ENOX2: variants seen among roughly 807,000 people sequenced by gnomAD.
ENOX2 encodes ecto-NOX disulfide-thiol exchanger 2, also known as APK1 antigen.
A neutral mutation model predicts 45.0 loss-of-function variants in ENOX2; 36 were observed. The ratio of observed to expected loss-of-function variants is 0.80; its 90% confidence interval spans 0.61 to 1.06. The LOEUF is 1.06. Ranked by LOEUF, ENOX2 falls within the 50% of genes least tolerant of loss-of-function variation. ENOX2 has a pLI of 0.00. For missense variants in ENOX2, 423 were observed against 462.5 expected, an observed-to-expected ratio of 0.91 and a Z score of 0.78; for synonymous variants, 174 against 152.3, an observed-to-expected ratio of 1.14 and a Z score of -1.05.
chrX:130,657,685 T>C (rs1211465922), intron 9 of ENOX2, among the ~76,000 whole-genome samples: 1 of 112,323 alleles, frequency 8.9e-6, no homozygotes, highest in Non-Finnish European at 1.9e-5. Context: ...TCCAACTAAG[T>C]AAATTGACCG....
At chrX:130,660,004 T>A (rs751133551) in intron 9 of ENOX2, among the ~76,000 whole-genome samples, 34 of 112,158 alleles carry the variant, frequency 3.0e-4, no homozygotes, top group African/African-American at 1.0e-3. Flanking sequence ...AACAGACCTA[T>A]GAACAAATTT....
chrX:130,712,663 G>C (rs967624922), intron 3 of ENOX2, among the ~76,000 whole-genome samples: 1 of 111,518 alleles, frequency 9.0e-6, no homozygotes, highest in Non-Finnish European at 1.9e-5. Context: ...CAAGGGAAAC[G>C]GGATGCAAGA....
chrX:130,651,810 C>T (rs1042673857), intron 10 of ENOX2, among the ~76,000 whole-genome samples: 18 of 112,034 alleles, frequency 1.6e-4, no homozygotes, highest in African/African-American at 5.8e-4. Context: ...CTTTCAGCTT[C>T]CCCTCTCTTG....
intron 2 of ENOX2, among the ~76,000 whole-genome samples, chrX:130,853,868 G>C (rs1442810583): frequency 2.7e-5 from 3 of 111,427 alleles, no homozygotes; most frequent in African/African-American, 9.8e-5. Context: ...AGTTTCAATG[G>C]AGGCTGAGTG....
intron 2 of ENOX2, among the ~76,000 whole-genome samples, chrX:130,823,877 C>A (rs1376585596): frequency 9.0e-6 from 1 of 111,680 alleles, no homozygotes; most frequent in South Asian, 3.8e-4. Flanking sequence ...CAGATGTGTA[C>A]GAAAAGCCCT....
At chrX:130,897,948 G>A (rs895334161) in intron 2 of ENOX2, among the ~76,000 whole-genome samples, 2 of 111,954 alleles carry the variant, frequency 1.8e-5, no homozygotes, top group East Asian at 5.6e-4. Flanking sequence ...CATGTGTGTT[G>A]GGGGGTGGAA....
At chrX:130,872,712 A>G (rs1415543281) in intron 2 of ENOX2, among the ~76,000 whole-genome samples, 1 of 112,153 alleles carries the variant, frequency 8.9e-6, no homozygotes, top group Non-Finnish European at 1.9e-5. Context: ...AGACCAATGG[A>G]ACAGAACAGA....
Position 130,667,677 on chromosome X carries a change from G to A in ENOX2, c.760C>T (p.Arg254Cys), listed in dbSNP as rs1446804812. ...GAGTAGAAGTTATTGGCGCTACGAC[G>A]GTTGACCTCTCCTCGCTCTATCCAG... Reference protein sequence around the residue: ...LTWIERGEVNRRSANNFYSMI... With the variant: ...LTWIERGEVNCRSANNFYSMI... The change falls in exon 8 of 15, where the codon CGT becomes TGT. Residue 254 changes from arginine to cysteine, a missense_variant. By Grantham distance (180) the Arg-to-Cys change is radical (BLOSUM62 -3). Transcript: ENST00000394363. 3 of 1,208,935 alleles carry A rather than the reference G, an allele frequency of 2.5e-6. No homozygotes were observed. The highest frequency in any genetic ancestry group is 3.5e-5 in the African/African-American group (2 of 57,105).
chrX:130,752,797 A>G (rs1329097237), intron 3 of ENOX2, among the ~76,000 whole-genome samples: 1 of 109,584 alleles, frequency 9.1e-6, no homozygotes, highest in Non-Finnish European at 1.9e-5. Flanking sequence ...TGTCTGAGTG[A>G]CTTTCACTGA....
chrX:130,853,523 A>G (rs2078257679), intron 2 of ENOX2, among the ~76,000 whole-genome samples: 1 of 108,927 alleles, frequency 9.2e-6, no homozygotes, highest in South Asian at 4.1e-4. Flanking sequence ...AAGGACCAAG[A>G]AGGGGGAGTA....
chrX:130,662,094 C>T (rs2036707548), intron 9 of ENOX2, among the ~76,000 whole-genome samples: 1 of 111,937 alleles, frequency 8.9e-6, no homozygotes, highest in African/African-American at 3.3e-5. Flanking sequence ...ACACACAGAA[C>T]TGCCAGTAAA....
chrX:130,711,151 A>G (rs961728407), intron 3 of ENOX2, among the ~76,000 whole-genome samples: 20 of 112,060 alleles, frequency 1.8e-4, no homozygotes, highest in Admixed American at 5.7e-4. Flanking sequence ...AAACAGTAGA[A>G]CAAATCACAT....
chrX:130,873,869 G>T (rs1476550834), intron 2 of ENOX2, among the ~76,000 whole-genome samples: 3 of 101,968 alleles, frequency 2.9e-5, no homozygotes, highest in Non-Finnish European at 6.0e-5. Flanking sequence ...ACAGGGAGGG[G>T]AACATCACAC....
chrX:130,631,502 A>G lies in ENOX2; in HGVS notation c.1494T>C (p.Ser498=), dbSNP rs763840364. 4 of 1,199,494 alleles carry G rather than the reference A, an allele frequency of 3.3e-6. No individual in the cohort carries two copies. The African/African-American group carries it at 5.3e-5, about 16-fold the overall frequency. Residue 498 remains serine, a synonymous_variant, in exon 13 of 15, where the codon AGT becomes AGC. Transcript: ENST00000394363. ...EYPLEKTMNS[S]PIKSEREALL... is the part of the protein sequence containing the mutation. ...GTGCTTCACGTTCAGATTTGATAGG[A>G]CTGCTGTTCATGGTCTTCTCAAGAG...
chrX:130,848,791 C>CA (rs1040024864), intron 2 of ENOX2, among the ~76,000 whole-genome samples: 11 of 109,424 alleles, frequency 1.0e-4, no homozygotes, highest in Middle Eastern at 4.7e-3. Context: ...GTGAGACTGT[C>CA]AAAAACAAAA....
intron 3 of ENOX2, among the ~76,000 whole-genome samples, chrX:130,779,862 G>A (rs1328058703): frequency 9.0e-6 from 1 of 111,320 alleles, no homozygotes; most frequent in Non-Finnish European, 1.9e-5. Context: ...ATAAGCAATA[G>A]TTCAAGGTGG....
At chrX:130,697,595 A>G (rs756518108) in intron 4 of ENOX2, among the ~76,000 whole-genome samples, 2 of 111,845 alleles carry the variant, frequency 1.8e-5, no homozygotes, top group Non-Finnish European at 3.8e-5. Context: ...GAAAGTTCTA[A>G]AAGTATTGGA....
Position 130,635,119 on chromosome X carries a change from T to C in ENOX2, c.1312-28A>G, listed in dbSNP as rs192654757. ...ACAAGAAAAGACCAAAGACAATCAA[T>C]TTATGAATTACGGAGCCACACTTCA... On this transcript the variant is annotated intron_variant, in intron 11 of 14. Coordinates refer to ENST00000394363, the MANE Select transcript of ENOX2 (RefSeq NM_006375.4). The C allele has an allele frequency of 2.1e-4, 189 of 887,020 alleles. 2 individuals are homozygous for C. In the East Asian group the frequency reaches 4.5e-3, roughly 21 times the overall value. 73.1% of individuals were successfully genotyped at this position (887,020 alleles called of 1,213,427 possible).
intron 3 of ENOX2, among the ~76,000 whole-genome samples, chrX:130,707,507 TACACACACAC>T (rs10536173): frequency 2.1e-5 from 2 of 97,364 alleles, no homozygotes; most frequent in Admixed American, 1.1e-4. Context: ...TTTTGAAGAC[TACACACACAC>T]ACACACACAC....
Sources: allele counts gnomAD v4.1 joint callset (sites outside exome capture counted in the v4.1 genomes callset), GRCh38; gene constraint gnomAD v4.1.1; transcripts MANE v1.5; gene names NCBI Gene and HGNC (gene_info 2026-07-23, HGNC 2026-07-21).